CPED1: variants seen among roughly 807,000 people sequenced by gnomAD.
The protein encoded by CPED1 is cadherin like and PC-esterase domain containing 1, also known as cadherin-like and PC-esterase domain-containing protein 1.
A neutral mutation model predicts 128.2 loss-of-function variants in CPED1; 114 were observed. The ratio of observed to expected loss-of-function variants is 0.89; its 90% CI spans 0.76 to 1.04. The LOEUF is 1.04. Ranked by LOEUF, CPED1 falls within the 50% of genes least tolerant of loss-of-function variation. The pLI is 0.00. For missense variants in CPED1, 1,211 were observed against 1,207.1 expected, an observed-to-expected ratio of 1.00 and a Z score of -0.05; for synonymous variants, 462 against 426.7, an observed-to-expected ratio of 1.08 and a Z score of -1.02.
At chr7:121,289,117 C>T (rs761970968) in intron 22 of CPED1, among the ~76,000 whole-genome samples, 12 of 152,130 alleles carry the variant, frequency 7.9e-5, no homozygotes, top group Non-Finnish European at 1.8e-4. Context: ...TAACCACAAA[C>T]TGAGCTCTAA....
chr7:121,238,511 T>TCTTC (rs1334148787), intron 17 of CPED1, among the ~76,000 whole-genome samples: 1 of 152,056 alleles, frequency 6.6e-6, no homozygotes, highest in Non-Finnish European at 1.5e-5. Context: ...CAGCTTAGCT[T>TCTTC]CTTCCCAGTG....
chr7:121,121,597 T>C (rs1365898029), intron 7 of CPED1, among the ~76,000 whole-genome samples: 1 of 152,246 alleles, frequency 6.6e-6, no homozygotes, highest in African/African-American at 2.4e-5. Flanking sequence ...GAACTTATAT[T>C]CTCACATTTA....
At chr7:121,157,613 A>C (rs971329125) in intron 16 of CPED1, among the ~76,000 whole-genome samples, 1 of 152,150 alleles carries the variant, frequency 6.6e-6, no homozygotes, top group Non-Finnish European at 1.5e-5. Flanking sequence ...GCATATCAGT[A>C]AACCTCAATA....
intron 16 of CPED1, among the ~76,000 whole-genome samples, chr7:121,221,574 C>T (rs1006770878): frequency 2.6e-5 from 4 of 152,228 alleles, no homozygotes; most frequent in Non-Finnish European, 5.9e-5. Context: ...ATTTACACTC[C>T]CACCAACAGT....
At chr7:121,237,455 A>G (rs1267577197) in intron 17 of CPED1, among the ~76,000 whole-genome samples, 1 of 152,164 alleles carries the variant, frequency 6.6e-6, no homozygotes, top group Non-Finnish European at 1.5e-5. Context: ...GAAAATTGTG[A>G]CATCAAATTT....
chr7:121,056,186 T>C (rs1287255620), intron 4 of CPED1, among the ~76,000 whole-genome samples: 2 of 152,130 alleles, frequency 1.3e-5, no homozygotes, highest in East Asian at 1.9e-4. Flanking sequence ...ACTGAATAAC[T>C]GAAATGTTAG....
At chr7:121,244,520 C>T (rs1019300902) in intron 18 of CPED1, among the ~76,000 whole-genome samples, 182 bp downstream of exon 18, 1 of 152,200 alleles carries the variant, frequency 6.6e-6, no homozygotes, top group Non-Finnish European at 1.5e-5. Context: ...ACAATTCCCG[C>T]TCCAAATGTT....
chr7:121,097,648 C>G, intron 5 of CPED1, 51 bp from the exon 6 acceptor site: 1 of 1,602,946 alleles, frequency 6.2e-7, no homozygotes, highest in Non-Finnish European at 8.5e-7. Flanking sequence ...CAAAGCAGTT[C>G]CAGAAAGAAA....
chr7:121,097,272 T>C (rs1193535162), intron 5 of CPED1, among the ~76,000 whole-genome samples: 1 of 152,162 alleles, frequency 6.6e-6, no homozygotes, highest in Non-Finnish European at 1.5e-5. Flanking sequence ...TAACAAAGTT[T>C]AGTATATCAG....
chr7:120,990,318 A>G (rs1796289725), intron 2 of CPED1, among the ~76,000 whole-genome samples: 1 of 152,180 alleles, frequency 6.6e-6, no homozygotes, highest in Non-Finnish European at 1.5e-5. Context: ...TTCATTTTGT[A>G]ACTAGCTAGA....
intron 12 of CPED1, among the ~76,000 whole-genome samples, chr7:121,130,987 A>G (rs749345565): frequency 6.6e-6 from 1 of 152,032 alleles, no homozygotes; most frequent in Non-Finnish European, 1.5e-5. Flanking sequence ...TCTCTTTTAT[A>G]TGGATGGAAT....
At chr7:121,217,685 T>A (rs1326290399) in intron 16 of CPED1, among the ~76,000 whole-genome samples, 2 of 152,018 alleles carry the variant, frequency 1.3e-5, no homozygotes, top group Non-Finnish European at 2.9e-5. Flanking sequence ...TCTTCAACAG[T>A]TAACACAATG....
intron 22 of CPED1, among the ~76,000 whole-genome samples, chr7:121,277,099 A>T (rs1006883560): frequency 2.0e-5 from 3 of 152,064 alleles, no homozygotes; most frequent in African/African-American, 7.2e-5. Context: ...TATAAGAGAG[A>T]AGTGGACAAA....
intron 22 of CPED1, among the ~76,000 whole-genome samples, chr7:121,278,295 G>T (rs1792368829): frequency 6.6e-6 from 1 of 152,130 alleles, no homozygotes; most frequent in African/African-American, 2.4e-5. Flanking sequence ...CCCCTGAGGA[G>T]CAGGTTGAGG....
intron 7 of CPED1, among the ~76,000 whole-genome samples, chr7:121,106,547 C>T (rs1041333715): frequency 6.6e-6 from 1 of 151,940 alleles, no homozygotes; most frequent in African/African-American, 2.4e-5. Flanking sequence ...GAGGTAAGTT[C>T]ATTCCTTCTT....
At chr7:121,034,250 T>TTTC (rs1554424881) in intron 3 of CPED1, among the ~76,000 whole-genome samples, 1 of 141,526 alleles carries the variant, frequency 7.1e-6, no homozygotes, top group Non-Finnish European at 1.5e-5. Context: ...TTTTTTTCTT[T>TTTC]TTTTTTTTTT....
intron 17 of CPED1, among the ~76,000 whole-genome samples, chr7:121,243,928 TTGAG>T (rs1373012567): frequency 1.3e-5 from 2 of 152,200 alleles, no homozygotes; most frequent in Admixed American, 6.5e-5. Context: ...TAGGTAATGA[TTGAG>T]TAATACTTAG....
chr7:121,034,518 T>C (rs1418807089), intron 3 of CPED1, among the ~76,000 whole-genome samples: 2 of 152,112 alleles, frequency 1.3e-5, no homozygotes, highest in Non-Finnish European at 1.5e-5. Context: ...AGTGCTGAGA[T>C]TACAGGTGTG....
intron 2 of CPED1, among the ~76,000 whole-genome samples, chr7:121,013,541 T>A (rs2215790): frequency 0.93 from 142,290 of 152,320 alleles, 66,641 homozygotes; most frequent in East Asian, 1. Flanking sequence ...ATTATTAACA[T>A]ATAATACCTC....
Sources: allele counts gnomAD v4.1 joint callset (sites outside exome capture counted in the v4.1 genomes callset), GRCh38; gene constraint gnomAD v4.1.1; transcripts MANE v1.5; gene names NCBI Gene and HGNC (gene_info 2026-07-23, HGNC 2026-07-21).